The following CLSTN2 variants were observed in gnomAD, a reference collection of about 807,000 sequenced individuals.
The protein encoded by CLSTN2 is calsyntenin 2, also known as calsyntenin-2.
A neutral mutation model predicts 101.2 loss-of-function variants in CLSTN2; 48 were observed. That is an observed-to-expected ratio of 0.47 (90% CI 0.38 to 0.60). The LOEUF (loss-of-function observed/expected upper bound fraction) is 0.60. Among genes scored for constraint, CLSTN2 ranks in the 20% least tolerant of loss-of-function variants. CLSTN2 has a pLI of 0.00. For synonymous variants in CLSTN2, 481 were observed against 463.6 expected (o/e 1.04, Z -0.48); for missense variants, 1,160 against 1,238.2 (o/e 0.94, Z 0.95).
intron 2 of CLSTN2, among the ~76,000 whole-genome samples, chr3:140,317,308 A>C (rs948432154): frequency 2.0e-5 from 3 of 152,156 alleles, no homozygotes; most frequent in African/African-American, 7.2e-5. Context: ...TCATTTAATA[A>C]GTTTCCTCAA....
intron 1 of CLSTN2, among the ~76,000 whole-genome samples, chr3:139,993,655 G>T (rs1446400582): frequency 6.6e-6 from 1 of 152,154 alleles, no homozygotes; most frequent in African/African-American, 2.4e-5. Flanking sequence ...GTACTTTCTG[G>T]ATGTTGTTCT....
At chr3:140,389,301 C>A (rs1309933915) in intron 2 of CLSTN2, among the ~76,000 whole-genome samples, 2 of 152,212 alleles carry the variant, frequency 1.3e-5, no homozygotes, top group Non-Finnish European at 2.9e-5. Context: ...TCCCACACCC[C>A]TGACAGGCCC....
intron 2 of CLSTN2, among the ~76,000 whole-genome samples, chr3:140,352,354 A>AC (rs2087617744): frequency 1.3e-5 from 2 of 152,314 alleles, no homozygotes; most frequent in African/African-American, 4.8e-5. Context: ...TCTTCCCATT[A>AC]CAATACAGTC....
At chr3:140,273,204 C>A (rs993742742) in intron 2 of CLSTN2, among the ~76,000 whole-genome samples, 3 of 151,928 alleles carry the variant, frequency 2.0e-5, no homozygotes, top group East Asian at 1.9e-4. Flanking sequence ...CATACCGGAA[C>A]CTGTCGGGGG....
intron 2 of CLSTN2, among the ~76,000 whole-genome samples, chr3:140,283,555 C>T (rs1378823380): frequency 2.6e-5 from 4 of 152,082 alleles, no homozygotes; most frequent in African/African-American, 9.7e-5. Flanking sequence ...ACGAGGTCAC[C>T]CAGATGGTGG....
intron 2 of CLSTN2, among the ~76,000 whole-genome samples, chr3:140,273,678 C>T (rs146486317): frequency 1.3e-5 from 2 of 152,216 alleles, no homozygotes; most frequent in African/African-American, 4.8e-5. Flanking sequence ...CTCCTAAAAC[C>T]CAGCAAGGGC....
At chr3:140,508,410 CAGTT>C (rs1259040588) in intron 8 of CLSTN2, 1 of 152,164 alleles carries the variant, frequency 6.6e-6, no homozygotes, top group Non-Finnish European at 1.5e-5. Context: ...TTCAGTCAGT[CAGTT>C]GATCTGCCAA....
intron 2 of CLSTN2, among the ~76,000 whole-genome samples, chr3:140,370,923 A>G (rs2087849026): frequency 6.6e-6 from 1 of 151,952 alleles, no homozygotes; most frequent in African/African-American, 2.4e-5. Flanking sequence ...CACATGACAC[A>G]TACCTCCAAC....
chr3:140,063,999 C>T (rs1047211046), intron 1 of CLSTN2, among the ~76,000 whole-genome samples: 3 of 152,150 alleles, frequency 2.0e-5, no homozygotes, highest in African/African-American at 7.2e-5. Flanking sequence ...AGGGCCTTTG[C>T]TTCTGCTGCT....
intron 2 of CLSTN2, among the ~76,000 whole-genome samples, chr3:140,218,891 C>A (rs2086235314): frequency 6.6e-6 from 1 of 152,068 alleles, no homozygotes; most frequent in South Asian, 2.1e-4. Context: ...TCATGTGAGG[C>A]AGGATTAAAA....
chr3:139,971,992 G>A (rs146254660), intron 1 of CLSTN2, among the ~76,000 whole-genome samples: 73 of 152,280 alleles, frequency 4.8e-4, no homozygotes, highest in African/African-American at 1.5e-3. Flanking sequence ...AGCCAGGCGT[G>A]GTGGCTCATG....
At position 140,419,497 on chromosome 3, in the gene CLSTN2, AT is replaced by A. The variant is rs2088469546; in HGVS notation, c.638-1627del. 5.8e-5 allele frequency among the ~76,000 whole-genome samples: 4 copies of A among 68,564 alleles called. 1 individual carries two copies. Among genetic ancestry groups the A allele is most frequent in the Middle Eastern group, 0.014 (2 of 140 alleles). The allele number at this position is 68,564 out of a possible 152,430, so 45.0% of individuals were successfully genotyped here. A position where few individuals can be genotyped will look rare whatever the true frequency, so the allele number is the denominator to read the frequency against. On this transcript the variant is annotated intron_variant, in intron 4 of 16. Coordinates refer to ENST00000458420, the MANE Select transcript of CLSTN2 (RefSeq NM_022131.3). Reference sequence around the variant, plus strand: ...GACTCTGTCTCAAAAAAAAAAAAATATATATATATATATATACACACACATA... The same window carrying A: ...GACTCTGTCTCAAAAAAAAAAAAATAATATATATATATATACACACACATA...
intron 2 of CLSTN2, among the ~76,000 whole-genome samples, chr3:140,348,355 C>T (rs1042284873): frequency 5.9e-5 from 9 of 152,288 alleles, no homozygotes; most frequent in Non-Finnish European, 1.0e-4. Flanking sequence ...AGGGCTTTTT[C>T]TTGCTCTGAT....
intron 1 of CLSTN2, among the ~76,000 whole-genome samples, chr3:140,166,691 T>C (rs1238499859): frequency 6.6e-6 from 1 of 152,188 alleles, no homozygotes; most frequent in Non-Finnish European, 1.5e-5. Flanking sequence ...GCACATTGGG[T>C]GGCAAGACCT....
intron 1 of CLSTN2, among the ~76,000 whole-genome samples, chr3:139,942,961 T>C (rs893392339): frequency 6.6e-6 from 1 of 152,208 alleles, no homozygotes; most frequent in Non-Finnish European, 1.5e-5. Context: ...TCCCCAGAGA[T>C]TGGCCAGAGA....
At chr3:139,987,591 A>G (rs1489153562) in intron 1 of CLSTN2, among the ~76,000 whole-genome samples, 7 of 152,210 alleles carry the variant, frequency 4.6e-5, no homozygotes, top group Non-Finnish European at 1.0e-4. Context: ...GAGATATTAA[A>G]TAAAAAAGTA....
At position 140,496,134 on chromosome 3, in the gene CLSTN2, C is replaced by T. The variant is rs371384609; in HGVS notation, c.1344+29403C>T. Among the ~76,000 whole-genome samples, 13 of 152,228 alleles carry T rather than the reference C, an allele frequency of 8.5e-5. No individual in the cohort carries two copies. In the East Asian group the frequency reaches 1.7e-3, roughly 20 times the overall value. The stretch of plus-strand genomic sequence containing the variant: ...CTCCATTTGCTTGTGTCCTCTCTGA[C>T]TTTCTTGAGCAGTGGTTTGTAGTTC... On this transcript the variant is annotated intron_variant, in intron 8 of 16. Transcript: ENST00000458420.
chr3:140,563,631 G>C (rs1329395994), intron 15 of CLSTN2, among the ~76,000 whole-genome samples: 1 of 152,122 alleles, frequency 6.6e-6, no homozygotes, highest in Non-Finnish European at 1.5e-5. Context: ...TACAGTGCTT[G>C]GCTCTGTGGA....
chr3:140,312,979 T>C (rs2087186533), intron 2 of CLSTN2, among the ~76,000 whole-genome samples: 1 of 152,252 alleles, frequency 6.6e-6, no homozygotes. Context: ...AATTTCTTTT[T>C]GAACATAAGA....
Sources: allele counts gnomAD v4.1 joint callset (sites outside exome capture counted in the v4.1 genomes callset), GRCh38; gene constraint gnomAD v4.1.1; transcripts MANE v1.5; gene names NCBI Gene and HGNC (gene_info 2026-07-23, HGNC 2026-07-21).